SBF2: variants seen among roughly 807,000 people sequenced by gnomAD.
The protein encoded by SBF2 is SET binding factor 2.
In SBF2, 112 loss-of-function variants were observed where a neutral mutation model predicts 225.2. The ratio of observed to expected loss-of-function variants is 0.50; its 90% CI spans 0.43 to 0.58. The LOEUF (loss-of-function observed/expected upper bound fraction) is 0.58, where lower values mean the gene tolerates loss of function less well. SBF2 is among the 20% of genes least tolerant of loss of function. SBF2 has a pLI of 0.00. For missense variants in SBF2, 1,996 were observed against 2,206.2 expected (o/e 0.90, Z 1.91); for synonymous variants, 763 against 773.3 (o/e 0.99, Z 0.22).
intron 17 of SBF2, among the ~76,000 whole-genome samples, chr11:9,860,984 A>G (rs1857687270): frequency 6.6e-6 from 1 of 152,170 alleles, no homozygotes; most frequent in African/African-American, 2.4e-5. Flanking sequence ...GATGGTGTAT[A>G]TTTGCTTTCC....
chr11:10,270,368 T>C (rs1421027353), intron 1 of SBF2, among the ~76,000 whole-genome samples: 1 of 152,208 alleles, frequency 6.6e-6, no homozygotes, highest in African/African-American at 2.4e-5. Context: ...TAATGTATTC[T>C]ACAATAAAGC....
intron 1 of SBF2, among the ~76,000 whole-genome samples, chr11:10,223,697 T>G (rs1201536336): frequency 6.6e-6 from 1 of 151,926 alleles, no homozygotes; most frequent in Non-Finnish European, 1.5e-5. Context: ...CCAGCATCGC[T>G]AGTGGCACTG....
At chr11:9,798,388 A>G (rs1332950469) in intron 32 of SBF2, among the ~76,000 whole-genome samples, 3 of 152,156 alleles carry the variant, frequency 2.0e-5, no homozygotes, top group Non-Finnish European at 1.5e-5. Context: ...GAGGGGGGTT[A>G]CTCAGATTGT....
chr11:10,268,763 G>A (rs571116456), intron 1 of SBF2, among the ~76,000 whole-genome samples: 77 of 152,274 alleles, frequency 5.1e-4, no homozygotes, highest in Non-Finnish European at 9.7e-4. Flanking sequence ...TGCTCTCAAG[G>A]AACTCTTTTT....
intron 1 of SBF2, among the ~76,000 whole-genome samples, chr11:10,267,330 C>A (rs1962095318): frequency 6.6e-6 from 1 of 151,572 alleles, no homozygotes; most frequent in Non-Finnish European, 1.5e-5. Context: ...CACTTAAGTC[C>A]CTATTACTGG....
intron 16 of SBF2, among the ~76,000 whole-genome samples, chr11:9,899,748 T>G (rs185004204): frequency 1.3e-3 from 193 of 152,232 alleles, no homozygotes; most frequent in Non-Finnish European, 2.3e-3. Context: ...TTCTAAGGCA[T>G]GGTTAGACCC....
At chr11:9,927,133 A>G (rs1864116897) in intron 16 of SBF2, among the ~76,000 whole-genome samples, 2 of 152,228 alleles carry the variant, frequency 1.3e-5, no homozygotes, top group African/African-American at 2.4e-5. Context: ...TATATATTGG[A>G]CAATTTTGAC....
intron 2 of SBF2, among the ~76,000 whole-genome samples, chr11:10,055,842 G>A (rs1406499580): frequency 6.6e-6 from 1 of 152,044 alleles, no homozygotes; most frequent in East Asian, 1.9e-4. Context: ...CACTATCTTG[G>A]TAATGGGTAT....
intron 2 of SBF2, among the ~76,000 whole-genome samples, chr11:10,146,937 T>G (rs573940072): frequency 6.6e-6 from 1 of 151,914 alleles, no homozygotes; most frequent in African/African-American, 2.4e-5. Context: ...AAGACATGCA[T>G]GTGGCCAATG....
At chr11:10,237,558 T>C (rs1959124178) in intron 1 of SBF2, among the ~76,000 whole-genome samples, 1 of 152,230 alleles carries the variant, frequency 6.6e-6, no homozygotes. Flanking sequence ...TATCTTGTCT[T>C]TTACTTCTTT....
At chr11:9,958,659 A>G (rs1330235318) in intron 16 of SBF2, 1 of 297,954 alleles carries the variant, frequency 3.4e-6, no homozygotes, top group Non-Finnish European at 6.7e-6. Flanking sequence ...TTCAGTTACA[A>G]TTAGGACAAC....
At chr11:9,808,524 CT>C (rs1853979885) in intron 31 of SBF2, 7 of 431,662 alleles carry the variant, frequency 1.6e-5, no homozygotes, top group Admixed American at 1.4e-4. Context: ...AGATTAATGT[CT>C]TAATGTAGTC....
Position 9,853,649 on chromosome 11 carries a change from A to G in SBF2, c.2427T>C (p.Thr809=). 1 of 1,613,970 alleles carries G rather than the reference A, an allele frequency of 6.2e-7. No individual in the cohort carries two copies. Among genetic ancestry groups the G allele is most frequent in the South Asian group, 1.1e-5 (1 of 91,068 alleles). Residue 809 remains threonine (T), a synonymous_variant, in exon 20 of 40, where the codon ACT becomes ACC. Coordinates refer to ENST00000256190, the MANE Select transcript of SBF2 (RefSeq NM_030962.4). The stretch of plus-strand genomic sequence containing the variant: ...ACCGCACAACAGAATTGGCAATGTC[A>G]GTATTCTCTGAATCTTCAAACCCAC... ...TESGFEDSEN[T]DIANSVVRFI...
chr11:10,007,798 C>A, intron 6 of SBF2, among the ~76,000 whole-genome samples: 1 of 152,178 alleles, frequency 6.6e-6, no homozygotes, highest in East Asian at 1.9e-4. Context: ...CCTCTTAGGT[C>A]ACGCCCCCTT....
chr11:10,251,563 A>G (rs1326863816), intron 1 of SBF2, among the ~76,000 whole-genome samples: 2 of 152,234 alleles, frequency 1.3e-5, no homozygotes, highest in African/African-American at 4.8e-5. Context: ...TCAAGCGAGT[A>G]GACTCCTCAT....
chr11:10,004,596 C>CA (rs1162791020), intron 6 of SBF2, among the ~76,000 whole-genome samples: 5 of 124,388 alleles, frequency 4.0e-5, no homozygotes, highest in South Asian at 2.6e-4. Context: ...AAAAAAAAAA[C>CA]AAACTACATA....
At chr11:9,978,644 T>G (rs1163549547) in intron 13 of SBF2, among the ~76,000 whole-genome samples, 1 of 94,080 alleles carries the variant, frequency 1.1e-5, no homozygotes, top group African/African-American at 4.2e-5. Context: ...TGTTTTTGTT[T>G]GTTTGTTTTT....
intron 2 of SBF2, among the ~76,000 whole-genome samples, chr11:10,148,239 GAA>G (rs1022133224): frequency 5.3e-5 from 8 of 152,098 alleles, no homozygotes; most frequent in Admixed American, 2.0e-4. Context: ...AGTAGAGAGA[GAA>G]TACTTGGTAC....
chr11:10,242,748 A>G (rs1959349575), intron 1 of SBF2, among the ~76,000 whole-genome samples: 1 of 152,164 alleles, frequency 6.6e-6, no homozygotes, highest in Admixed American at 6.5e-5. Flanking sequence ...AGAGACAAAG[A>G]AGGTCATTAC....
Sources: gnomAD v4.1 joint callset for allele counts (sites outside exome capture counted in the v4.1 genomes callset) on GRCh38, gnomAD v4.1.1 for gene constraint, MANE v1.5 for transcripts, NCBI Gene and HGNC (gene_info 2026-07-23, HGNC 2026-07-21) for gene names.